The following BMP2K variants were observed in gnomAD, a reference collection of about 807,000 sequenced individuals.
BMP2K encodes the protein BMP-2-inducible protein kinase.
BMP2K carries 74 observed loss-of-function variants against 116.0 expected under a neutral mutation model. The observed-to-expected ratio is 0.64, with a 90% CI of 0.53 to 0.77. The LOEUF is 0.77. Among genes scored for constraint, BMP2K ranks in the 30% least tolerant of loss-of-function variants. The pLI is 0.00. For synonymous variants in BMP2K, 486 were observed against 502.5 expected, an observed-to-expected ratio of 0.97 and a Z score of 0.44; for missense variants, 1,365 against 1,403.6, an observed-to-expected ratio of 0.97 and a Z score of 0.44.
intron 1 of BMP2K, among the ~76,000 whole-genome samples, chr4:78,819,213 C>T (rs570922933): frequency 6.6e-6 from 1 of 152,226 alleles, no homozygotes; most frequent in South Asian, 2.1e-4. Context: ...GTAAGAATAT[C>T]CAGAAAATGG....
chr4:78,841,262 A>C (rs1730745234), intron 3 of BMP2K, among the ~76,000 whole-genome samples: 1 of 152,208 alleles, frequency 6.6e-6, no homozygotes, highest in African/African-American at 2.4e-5. Context: ...TAACCTTGTT[A>C]AAGGAAAGTT....
intron 6 of BMP2K, among the ~76,000 whole-genome samples, chr4:78,848,920 A>C (rs896170281): frequency 1.3e-5 from 2 of 151,340 alleles, no homozygotes; most frequent in African/African-American, 4.8e-5. Context: ...GGTGAAACAC[A>C]AGTTTGCTAC....
chr4:78,833,763 C>A, intron 3 of BMP2K, 76 bp downstream of exon 3: 1 of 917,946 alleles, frequency 1.1e-6, no homozygotes, highest in Non-Finnish European at 1.7e-6. Flanking sequence ...TTGTTATTTC[C>A]AGGGTAGCTG....
At chr4:78,811,323 T>A (rs1448888411) in intron 1 of BMP2K, among the ~76,000 whole-genome samples, 1 of 152,214 alleles carries the variant, frequency 6.6e-6, no homozygotes, top group Non-Finnish European at 1.5e-5. Context: ...AACCCTTGAC[T>A]GAGTATTTTG....
intron 2 of BMP2K, among the ~76,000 whole-genome samples, chr4:78,828,620 T>G (rs1205808389): frequency 6.6e-6 from 1 of 152,140 alleles, no homozygotes; most frequent in Non-Finnish European, 1.5e-5. Context: ...CACCCAACAT[T>G]ATAACAAAAG....
intron 1 of BMP2K, among the ~76,000 whole-genome samples, chr4:78,805,494 C>A (rs927737274): frequency 1.3e-5 from 2 of 152,094 alleles, no homozygotes; most frequent in Non-Finnish European, 2.9e-5. Flanking sequence ...GTCTTTCAGT[C>A]TATGAGTGAG....
At chr4:78,829,777 TTTC>T (rs1424513736) in intron 2 of BMP2K, among the ~76,000 whole-genome samples, 2 of 96,538 alleles carry the variant, frequency 2.1e-5, no homozygotes, top group Admixed American at 1.1e-4. Flanking sequence ...TTTCTTTTCT[TTTC>T]TTTTCTTTTC....
chr4:78,887,258 G>T lies in BMP2K; in HGVS notation c.2036G>T (p.Gly679Val). 1 of 1,609,692 alleles carries T rather than the reference G, an allele frequency of 6.2e-7. No homozygotes were observed. The change falls in exon 15 of 16, where the codon GGT becomes GTT. Residue 679 changes from glycine (G) to valine (V), a missense_variant. Transcript: ENST00000502613. Reference sequence around the variant, plus strand: ...AACCATCCTCCAGAAGATCCTTTTGGTTCTGTTCCTTTCATTTCTCATTCA... The same window carrying T: ...AACCATCCTCCAGAAGATCCTTTTGTTTCTGTTCCTTTCATTTCTCATTCA... ...PHNHPPEDPF[G>V]SVPFISHSGS...
intron 15 of BMP2K, among the ~76,000 whole-genome samples, chr4:78,891,056 C>G (rs1030486936): frequency 6.6e-6 from 1 of 152,060 alleles, no homozygotes; most frequent in Admixed American, 6.6e-5. Context: ...ACAAAATAAA[C>G]TTTGCTGCCT....
intron 7 of BMP2K, among the ~76,000 whole-genome samples, chr4:78,856,838 CA>C (rs1439424194): frequency 7.9e-5 from 12 of 152,096 alleles, no homozygotes; most frequent in African/African-American, 2.9e-4. Context: ...AGGTTACTTA[CA>C]AAATGTGGTT....
chr4:78,880,380 G>A (rs28669324), intron 14 of BMP2K, among the ~76,000 whole-genome samples: 15,530 of 152,190 alleles, frequency 0.1, 2,577 homozygotes, highest in African/African-American at 0.35. Flanking sequence ...CTCTTTCAGA[G>A]TTATGGAAGG....
chr4:78,906,886 T>C (rs993012043), intron 15 of BMP2K, among the ~76,000 whole-genome samples: 1 of 152,156 alleles, frequency 6.6e-6, no homozygotes, highest in Non-Finnish European at 1.5e-5. Context: ...ATTTTGTGTA[T>C]AAAGAAAGTG....
chr4:78,804,388 A>T (rs1020533643), intron 1 of BMP2K, among the ~76,000 whole-genome samples: 1 of 152,146 alleles, frequency 6.6e-6, no homozygotes, highest in Non-Finnish European at 1.5e-5. Flanking sequence ...TTTGGCTATT[A>T]TGAACATTTA....
In BMP2K at chr4:78,845,059, T is replaced by G; in HGVS notation, c.668+10T>G. ...AAGAAGAAATTAAAAAGTAAGTATTTGTCTTTATTGCACTTTTGTCATGGT... is the reference window on the plus strand; with the variant it reads ...AAGAAGAAATTAAAAAGTAAGTATTGGTCTTTATTGCACTTTTGTCATGGT... On this transcript the variant is annotated intron_variant, in intron 5 of 15. Transcript: ENST00000502613. The G allele has an allele frequency of 1.3e-6, 2 of 1,560,640 alleles. No homozygotes were observed.
chr4:78,810,128 A>G (rs937226043), intron 1 of BMP2K, among the ~76,000 whole-genome samples: 37 of 152,208 alleles, frequency 2.4e-4, no homozygotes, highest in African/African-American at 8.7e-4. Context: ...TAATGATTGG[A>G]CAGAGGTTTC....
At chr4:78,859,783 C>A in intron 8 of BMP2K, 96 bp downstream of exon 8, 1 of 797,018 alleles carries the variant, frequency 1.3e-6, no homozygotes, top group East Asian at 2.7e-5. Context: ...GTTGCTGTTG[C>A]TAAAACTCAG....
At chr4:78,832,007 G>A (rs1730230732) in intron 2 of BMP2K, among the ~76,000 whole-genome samples, 1 of 152,010 alleles carries the variant, frequency 6.6e-6, no homozygotes, top group Non-Finnish European at 1.5e-5. Context: ...CATAATTATA[G>A]CATCTTTATT....
At chr4:78,778,561 TAGA>T in intron 1 of BMP2K, among the ~76,000 whole-genome samples, 1 of 152,228 alleles carries the variant, frequency 6.6e-6, no homozygotes, top group African/African-American at 2.4e-5. Flanking sequence ...TTTAATTTCC[TAGA>T]AGGGAGGCCA....
chr4:78,885,072 T>G (rs1207856799), intron 14 of BMP2K, among the ~76,000 whole-genome samples: 1 of 152,202 alleles, frequency 6.6e-6, no homozygotes, highest in Non-Finnish European at 1.5e-5. Flanking sequence ...ATTTGAAAAG[T>G]AGCACTTAAG....
Sources: allele counts gnomAD v4.1 joint callset (sites outside exome capture counted in the v4.1 genomes callset), GRCh38; gene constraint gnomAD v4.1.1; transcripts MANE v1.5; gene names NCBI Gene and HGNC (gene_info 2026-07-23, HGNC 2026-07-21).